The following DCHS2 variants were observed in gnomAD, a reference collection of about 807,000 sequenced individuals.
DCHS2 encodes the protein protocadherin-23.
In DCHS2, 142 loss-of-function variants were observed where a neutral mutation model predicts 182.4. The ratio of observed to expected loss-of-function variants is 0.78; its 90% confidence interval spans 0.68 to 0.89. The LOEUF (loss-of-function observed/expected upper bound fraction) is 0.89. Among genes scored for constraint, DCHS2 ranks in the 40% least tolerant of loss-of-function variants. DCHS2 has a pLI of 0.00. For missense variants in DCHS2, 4,319 were observed against 4,198.6 expected, an observed-to-expected ratio of 1.03 and a Z score of -0.79; for synonymous variants, 1,740 against 1,663.3, an observed-to-expected ratio of 1.05 and a Z score of -1.12.
At chr4:154,361,939 A>T (rs1272756746) in intron 3 of DCHS2, among the ~76,000 whole-genome samples, 1 of 152,206 alleles carries the variant, frequency 6.6e-6, no homozygotes, top group Non-Finnish European at 1.5e-5. Flanking sequence ...TAAAGAAAGC[A>T]TCAAAATGAA....
intron 1 of DCHS2, among the ~76,000 whole-genome samples, chr4:154,436,052 T>C (rs1251772408): frequency 6.6e-6 from 1 of 152,198 alleles, no homozygotes; most frequent in East Asian, 1.9e-4. Context: ...GTAGAAACAA[T>C]GCTGGGTCAA....
At chr4:154,335,214 T>C (rs1185158302) in intron 3 of DCHS2, 110 bp from the exon 4 acceptor site, 2 of 763,602 alleles carry the variant, frequency 2.6e-6, no homozygotes, top group Non-Finnish European at 4.5e-6. Flanking sequence ...TTTTATGTGT[T>C]AACTGGGCCA....
In DCHS2 at chr4:154,332,879, G is replaced by C; in HGVS notation, c.3329C>G (p.Pro1110Arg). ...MTQMLQTQAH[P>R]LGPQRAASPL... is the part of the protein sequence containing the mutation. ...CGAGGCTGCACGCTGGGGGCCAAGT[G>C]GGTGCGCCTGTGTTTGCAGCATTTG... The change falls in exon 5 of 20, where the codon CCA (proline) becomes CGA (arginine). Residue 1110 changes from proline (P) to arginine (R), a missense_variant. By Grantham distance (103) the Pro-to-Arg change is moderately radical. Coordinates refer to ENST00000357232, the MANE Select transcript of DCHS2 (RefSeq NM_001358235.2). 6.2e-7 allele frequency: 1 copy of C among 1,614,210 alleles called. No individual in the cohort carries two copies. The highest frequency in any genetic ancestry group is 1.1e-5 in the South Asian group (1 of 91,072).
chr4:154,375,175 T>C (rs903992390), intron 2 of DCHS2, among the ~76,000 whole-genome samples: 4 of 152,024 alleles, frequency 2.6e-5, no homozygotes, highest in African/African-American at 7.2e-5. Context: ...TCCCACTAGA[T>C]TGAAAAAAAG....
intron 9 of DCHS2, 148 bp downstream of exon 9, chr4:154,320,231 T>G: frequency 7.6e-7 from 1 of 1,320,428 alleles, no homozygotes; most frequent in Non-Finnish European, 1.0e-6. Context: ...GCAAGGTAAA[T>G]AATATCTAGA....
chr4:154,333,364 G>C lies in DCHS2; in HGVS notation c.2844C>G (p.Leu948=). ...CGCTGCCGAGCTGCGCCTGCACCGTGAGCACAACCACGGGCTGCGTCTCGT... is the reference window on the plus strand; with the variant it reads ...CGCTGCCGAGCTGCGCCTGCACCGTCAGCACAACCACGGGCTGCGTCTCGT... ...LDHETQPVVV[L]TVQAQLGSAP... is the part of the protein sequence containing the mutation. The change falls in exon 5 of 20, where the codon CTC becomes CTG. Residue 948 remains leucine (L), a synonymous_variant. Transcript: ENST00000357232. 3 of 1,614,200 alleles carry C rather than the reference G, an allele frequency of 1.9e-6. No individual in the cohort carries two copies. Among genetic ancestry groups the C allele is most frequent in the Non-Finnish European group, 2.5e-6 (3 of 1,180,034 alleles).
intron 2 of DCHS2, among the ~76,000 whole-genome samples, chr4:154,366,986 T>C (rs1730406453): frequency 6.6e-6 from 1 of 152,122 alleles, no homozygotes; most frequent in East Asian, 1.9e-4. Context: ...ACCATTGGTG[T>C]GCAGACCAAC....
At chr4:154,292,885 C>T (rs978675429) in intron 13 of DCHS2, among the ~76,000 whole-genome samples, 2 of 152,178 alleles carry the variant, frequency 1.3e-5, no homozygotes, top group African/African-American at 2.4e-5. Flanking sequence ...TCTTACCTAG[C>T]CCCTGCTCTA....
At chr4:154,289,559 AAG>A (rs2111256533) in intron 13 of DCHS2, among the ~76,000 whole-genome samples, 1 of 152,198 alleles carries the variant, frequency 6.6e-6, no homozygotes, top group East Asian at 1.9e-4. Flanking sequence ...AAAATAAAGC[AAG>A]AGAGAATACT....
intron 1 of DCHS2, among the ~76,000 whole-genome samples, chr4:154,452,354 A>G (rs1353291432): frequency 6.6e-6 from 1 of 152,106 alleles, no homozygotes; most frequent in East Asian, 1.9e-4. Flanking sequence ...TTAAAAATTA[A>G]AGGTTGAGGC....
At chr4:154,244,020 C>T (rs1731958831) in intron 16 of DCHS2, among the ~76,000 whole-genome samples, 1 of 152,208 alleles carries the variant, frequency 6.6e-6, no homozygotes, top group Non-Finnish European at 1.5e-5. Flanking sequence ...AATCTCAGCC[C>T]TTACACCTTG....
rs915774930 is a variant in DCHS2 at position 154,259,664 on chromosome 4, C to T, written c.6670G>A (p.Ala2224Thr). The T allele has an allele frequency of 3.1e-6, 5 of 1,614,034 alleles. No homozygotes were observed. The highest frequency in any genetic ancestry group is 2.7e-5 in the African/African-American group (2 of 75,024). Reference sequence around the variant, plus strand: ...ATCAAGACTGCTACTTTGCAATAGGCTCTATGCCCACTACTTTCAGCTAAA... The same window carrying T: ...ATCAAGACTGCTACTTTGCAATAGGTTCTATGCCCACTACTTTCAGCTAAA... Reference protein sequence around the residue: ...IVLAESSGHRAYCKVAVLIQD... With the variant: ...IVLAESSGHRTYCKVAVLIQD... Residue 2224 changes from alanine (A) to threonine (T), a missense_variant, in exon 15 of 20, where the codon GCC becomes ACC. Ala to Thr is a moderately conservative substitution (Grantham distance 58). Coordinates refer to ENST00000357232, the MANE Select transcript of DCHS2 (RefSeq NM_001358235.2).
At chr4:154,264,508 A>G (rs1279298030) in intron 14 of DCHS2, among the ~76,000 whole-genome samples, 1 of 152,220 alleles carries the variant, frequency 6.6e-6, no homozygotes, top group Admixed American at 6.5e-5. Context: ...GATGTAGCAG[A>G]GAGTCACATA....
chr4:154,413,237 T>A (rs1732702006), intron 1 of DCHS2, among the ~76,000 whole-genome samples: 1 of 152,208 alleles, frequency 6.6e-6, no homozygotes, highest in Admixed American at 6.5e-5. Flanking sequence ...TATCCATTCC[T>A]TAAGCCCAAT....
chr4:154,393,395 T>C (rs1377378274), intron 1 of DCHS2, among the ~76,000 whole-genome samples: 1 of 152,182 alleles, frequency 6.6e-6, no homozygotes, highest in Non-Finnish European at 1.5e-5. Context: ...AAAATGGGCT[T>C]CATATTTTAA....
chr4:154,490,191 C>A lies in DCHS2; in HGVS notation c.1165G>T (p.Gly389Cys). Residue 389 changes from glycine (G) to cysteine (C), a missense_variant, in exon 1 of 20, where the codon GGC becomes TGC. Physicochemically the swap from Gly to Cys is radical, Grantham distance 159. Coordinates refer to ENST00000357232, the MANE Select transcript of DCHS2 (RefSeq NM_001358235.2). ...ACCGTGGCAACCTCAGGCTCGGCGC[C>A]TCCATCGCGGGCCTCCACCACCAAC... ...HQLVVEARDG[G>C]AEPEVATVRV... is the part of the protein sequence containing the mutation. 2 of 1,549,496 alleles carry A rather than the reference C, an allele frequency of 1.3e-6. No individual in the cohort carries two copies. Among genetic ancestry groups the A allele is most frequent in the Non-Finnish European group, 1.7e-6 (2 of 1,146,706 alleles).
chr4:154,331,659 A>AGG, intron 5 of DCHS2: 1 of 1,614,040 alleles, frequency 6.2e-7, no homozygotes, highest in South Asian at 1.1e-5. Flanking sequence ...AGTCTGTCCC[A>AGG]CTAAAGGCAG....
At chr4:154,284,955 T>A (rs779685554) in intron 13 of DCHS2, among the ~76,000 whole-genome samples, 1 of 151,780 alleles carries the variant, frequency 6.6e-6, no homozygotes, top group Non-Finnish European at 1.5e-5. Context: ...AGCTTATAAC[T>A]CCAGGACAGA....
intron 17 of DCHS2, among the ~76,000 whole-genome samples, chr4:154,242,371 T>C (rs1442438739): frequency 2.0e-5 from 3 of 152,182 alleles, no homozygotes; most frequent in Non-Finnish European, 1.5e-5. Context: ...AGAGTAGATA[T>C]AATTTGTAGG....
Sources: allele counts gnomAD v4.1 joint callset (sites outside exome capture counted in the v4.1 genomes callset), GRCh38; gene constraint gnomAD v4.1.1; transcripts MANE v1.5; gene names NCBI Gene and HGNC (gene_info 2026-07-23, HGNC 2026-07-21).